The following AADACL4 variants were observed in gnomAD, a reference collection of about 807,000 sequenced individuals.
AADACL4 encodes the protein arylacetamide deacetylase like 4, also known as arylacetamide deacetylase-like 4.
Under a neutral mutation model 14.1 loss-of-function variants are expected in AADACL4, and 9 were observed. The observed-to-expected ratio is 0.64, with a 90% CI of 0.39 to 1.12. The LOEUF (loss-of-function observed/expected upper bound fraction) is 1.12, where lower values mean the gene tolerates loss of function less well. Ranked by LOEUF, AADACL4 falls within the 50% of genes most tolerant of loss-of-function variation. The pLI is 0.01. For synonymous variants in AADACL4, 188 were observed against 201.6 expected (o/e 0.93, Z 0.57); for missense variants, 531 against 516.1 (o/e 1.03, Z -0.28).
intron 1 of AADACL4, among the ~76,000 whole-genome samples, chr1:12,648,139 T>G (rs541159306): frequency 1.3e-5 from 2 of 151,776 alleles, no homozygotes; most frequent in East Asian, 3.9e-4. Flanking sequence ...CCTGGCTAAT[T>G]TTTTGTATTT....
At chr1:12,647,892 A>T (rs1452529091) in intron 1 of AADACL4, among the ~76,000 whole-genome samples, 1 of 152,126 alleles carries the variant, frequency 6.6e-6, no homozygotes, top group Non-Finnish European at 1.5e-5. Context: ...TCCTGGGCTC[A>T]AGAGATCCGC....
rs191256031 is a variant in AADACL4, at chr1:12,664,524, A to G, written c.450-1437A>G. Among the ~76,000 whole-genome samples the G allele has an allele frequency of 2.7e-3, 413 of 150,660 alleles. 3 individuals are homozygous for G. The highest frequency in any genetic ancestry group is 9.2e-3 in the African/African-American group (377 of 40,984). On this transcript the variant is annotated intron_variant, in intron 3 of 3. Transcript: ENST00000376221. Reference sequence around the variant, plus strand: ...TGGGATTACAGGCTCCCACCACCACACCCCGCTAATTTTTGTATTTTTAGT... The same window carrying G: ...TGGGATTACAGGCTCCCACCACCACGCCCCGCTAATTTTTGTATTTTTAGT...
Position 12,650,344 on chromosome 1 carries a change from G to C in AADACL4, c.169-779G>C, listed in dbSNP as rs536901678. Among the ~76,000 whole-genome samples the C allele has an allele frequency of 3.9e-5, 6 of 152,254 alleles. No homozygotes were observed. The East Asian group carries it at 9.7e-4, about 25-fold the overall frequency. ...ACTCCCTTGACCTGAGCCCACAACA[G>C]ACATCCCTAACTGATCACGTTGCTC... is the stretch of plus-strand genomic sequence containing the variant. On this transcript the variant is annotated intron_variant, in intron 1 of 3. Coordinates refer to ENST00000376221, the MANE Select transcript of AADACL4 (RefSeq NM_001013630.2).
At chr1:12,664,980 G>A (rs1040814115) in intron 3 of AADACL4, among the ~76,000 whole-genome samples, 4 of 152,108 alleles carry the variant, frequency 2.6e-5, no homozygotes, top group East Asian at 1.9e-4. Flanking sequence ...GCTGGCACCC[G>A]GGTCTTCTGC....
chr1:12,656,044 G>A (rs1230036728), intron 2 of AADACL4, among the ~76,000 whole-genome samples: 2 of 152,186 alleles, frequency 1.3e-5, no homozygotes, highest in Non-Finnish European at 2.9e-5. Flanking sequence ...AAAGAAATGA[G>A]TTTCTTCTAA....
At position 12,658,102 on chromosome 1, in the gene AADACL4, T is replaced by TC. The variant is rs1647194946; in HGVS notation, c.386-3688dup. 4.3e-3 allele frequency among the ~76,000 whole-genome samples: 455 copies of TC among 105,154 alleles called. 6 individuals carry two copies. Among genetic ancestry groups the TC allele is most frequent in the African/African-American group, 0.021 (431 of 20,728 alleles). 69.0% of individuals were successfully genotyped at this position (105,154 alleles called of 152,430 possible). ...CTTTCTTTCTTTCTCTTTCTTTCTC[T>TC]CTTTCTTTCCTTCCTTCCTTCCTTC... On this transcript the variant is annotated intron_variant, in intron 2 of 3. Coordinates refer to ENST00000376221, the MANE Select transcript of AADACL4 (RefSeq NM_001013630.2).
rs532350034 is a variant in AADACL4 at position 12,666,684 on chromosome 1, A to T, written c.1173A>T (p.Pro391=). 1 of 1,613,678 alleles carries T rather than the reference A, an allele frequency of 6.2e-7. No individual in the cohort carries two copies. The highest frequency in any genetic ancestry group is 1.7e-5 in the Admixed American group (1 of 60,014). The part of the protein sequence containing the change: ...IFFDKKALSF[P]CSLKIVNAVV... The stretch of plus-strand genomic sequence containing the variant: ...TTGATAAGAAGGCTCTCTCTTTCCC[A>T]TGTTCCCTGAAGATTGTGAATGCTG... The change falls in exon 4 of 4, where the codon CCA becomes CCT. Residue 391 remains proline, a synonymous_variant. Coordinates refer to ENST00000376221, the MANE Select transcript of AADACL4 (RefSeq NM_001013630.2).
In AADACL4 at chr1:12,655,002, G is replaced by A. The variant is rs141927369; in HGVS notation, c.385+3663G>A. Among the ~76,000 whole-genome samples, 836 of 152,280 alleles carry A rather than the reference G, an allele frequency of 5.5e-3. 31 individuals carry two copies. Among genetic ancestry groups the A allele is most frequent in the Admixed American group, 0.052 (789 of 15,290 alleles). ...AGCACCTTGCTTGGTGTCTGTAAAC[G>A]GCTCGGACACTCAGCCGGACTGGCA... On this transcript the variant is annotated intron_variant, in intron 2 of 3. Transcript: ENST00000376221.
At chr1:12,657,702 A>C (rs1647188965) in intron 2 of AADACL4, among the ~76,000 whole-genome samples, 1 of 152,132 alleles carries the variant, frequency 6.6e-6, no homozygotes, top group Admixed American at 6.5e-5. Flanking sequence ...AAAATGGCGG[A>C]GTTTTCTCAG....
At chr1:12,650,717 G>C (rs1647139830) in intron 1 of AADACL4, among the ~76,000 whole-genome samples, 1 of 152,068 alleles carries the variant, frequency 6.6e-6, no homozygotes, top group Non-Finnish European at 1.5e-5. Flanking sequence ...AATTTTAGTA[G>C]AGATGGGGTT....
chr1:12,659,527 A>T (rs1033982344), intron 2 of AADACL4, among the ~76,000 whole-genome samples: 1 of 152,226 alleles, frequency 6.6e-6, no homozygotes, highest in Non-Finnish European at 1.5e-5. Context: ...TGCAATGTTT[A>T]AAAAAACAAA....
At chr1:12,657,326 A>G (rs984071548) in intron 2 of AADACL4, among the ~76,000 whole-genome samples, 24 of 152,186 alleles carry the variant, frequency 1.6e-4, no homozygotes, top group African/African-American at 5.1e-4. Flanking sequence ...TAGTAATTCC[A>G]GAGAACAAGA....
intron 1 of AADACL4, among the ~76,000 whole-genome samples, chr1:12,644,980 CT>C: frequency 7.6e-6 from 1 of 132,180 alleles, no homozygotes; most frequent in East Asian, 2.4e-4. Flanking sequence ...TTCTTTTTTC[CT>C]TCTTTCCTTC....
In AADACL4 at chr1:12,665,963, ACCG is replaced by A. The variant is rs1647316043; in HGVS notation, c.454_456del (p.Arg152del). 6 of 1,602,180 alleles carry A rather than the reference ACCG, an allele frequency of 3.7e-6. No individual in the cohort carries two copies. The highest frequency in any genetic ancestry group is 5.1e-6 in the Non-Finnish European group (6 of 1,172,384). On this transcript the variant is annotated inframe_deletion, in exon 4 of 4. Coordinates refer to ENST00000376221, the MANE Select transcript of AADACL4 (RefSeq NM_001013630.2). ...GTTGCTCCCTGTTTTCGTTTTAGGT[ACCG>A]CAAGCTTCCTGACCACCATTCCCCT...
At chr1:12,645,257 C>CCCTT (rs772724139) in intron 1 of AADACL4, among the ~76,000 whole-genome samples, 3 of 115,760 alleles carry the variant, frequency 2.6e-5, no homozygotes, top group Non-Finnish European at 5.5e-5. Context: ...CTCCCTCCCT[C>CCCTT]CCTCCCTCCC....
chr1:12,658,103 C>G (rs1034877271), intron 2 of AADACL4, among the ~76,000 whole-genome samples: 5 of 99,626 alleles, frequency 5.0e-5, no homozygotes, highest in African/African-American at 2.8e-4. Context: ...TTCTTTCTCT[C>G]TTTCTTTCCT....
intron 1 of AADACL4, among the ~76,000 whole-genome samples, chr1:12,644,983 CT>C (rs1647101186): frequency 1.4e-5 from 2 of 140,910 alleles, no homozygotes; most frequent in Admixed American, 1.5e-4. Context: ...TTTTTTCCTT[CT>C]TTCCTTCCCT....
chr1:12,648,467 G>T (rs1038900188), intron 1 of AADACL4, among the ~76,000 whole-genome samples: 1 of 150,880 alleles, frequency 6.6e-6, no homozygotes, highest in Non-Finnish European at 1.5e-5. Context: ...CATGATCTTG[G>T]CTCACTGCAA....
intron 1 of AADACL4, among the ~76,000 whole-genome samples, chr1:12,647,536 A>G (rs1428834044): frequency 6.6e-6 from 1 of 152,210 alleles, no homozygotes; most frequent in Non-Finnish European, 1.5e-5. Flanking sequence ...CCTGAAGGCA[A>G]AGATGTAGCA....
Sources: allele counts gnomAD v4.1 joint callset (sites outside exome capture counted in the v4.1 genomes callset), GRCh38; gene constraint gnomAD v4.1.1; transcripts MANE v1.5; gene names NCBI Gene and HGNC (gene_info 2026-07-23, HGNC 2026-07-21).